The following KAZN variants were observed in gnomAD, a reference collection of about 807,000 sequenced individuals.
KAZN encodes kazrin.
A neutral mutation model predicts 87.4 loss-of-function variants in KAZN; 40 were observed. That is an observed-to-expected ratio of 0.46 (90% confidence interval 0.36 to 0.60). KAZN has a LOEUF of 0.60. Ranked by LOEUF, KAZN falls within the 20% of genes least tolerant of loss-of-function variation. The pLI is 0.00. For synonymous variants in KAZN, 466 were observed against 458.3 expected (o/e 1.02, Z -0.22); for missense variants, 898 against 1,073.9 (o/e 0.84, Z 2.29).
intron 1 of KAZN, among the ~76,000 whole-genome samples, chr1:14,737,366 C>G (rs1005608829): frequency 6.6e-6 from 1 of 152,058 alleles, no homozygotes; most frequent in African/African-American, 2.4e-5. Context: ...CAGGGATCCT[C>G]CACGGTATGC....
At chr1:14,616,170 G>C (rs991073199) in intron 1 of KAZN, among the ~76,000 whole-genome samples, 4 of 152,190 alleles carry the variant, frequency 2.6e-5, no homozygotes, top group Non-Finnish European at 5.9e-5. Flanking sequence ...GCTGGAGAGC[G>C]CAAGTGAGTC....
chr1:14,823,948 T>C (rs1232846398), intron 1 of KAZN, among the ~76,000 whole-genome samples: 5 of 152,078 alleles, frequency 3.3e-5, no homozygotes, highest in African/African-American at 4.8e-5. Flanking sequence ...ACCCCGTCTC[T>C]ACTAAAAACA....
chr1:14,019,598 T>C (rs7522487), intron 1 of KAZN, among the ~76,000 whole-genome samples: 1,831 of 152,190 alleles, frequency 0.012, 35 homozygotes, highest in African/African-American at 0.041. Context: ...CAAGAACACA[T>C]CTGTTGCACA....
chr1:15,094,293 T>C lies in KAZN; in HGVS notation c.1336T>C (p.Trp446Arg), dbSNP rs1041279043. 1.2e-6 allele frequency: 2 copies of C among 1,613,950 alleles called. No individual in the cohort carries two copies. Among genetic ancestry groups the C allele is most frequent in the Non-Finnish European group, 1.7e-6 (2 of 1,179,882 alleles). The stretch of plus-strand genomic sequence containing the variant: ...GGTGAGGACCACCCCTATGTCCCAC[T>C]GGAAGGCGGGCACCGTCCAGGCCTG... ...ELVRTTPMSH[W>R]KAGTVQAWLE... The change falls in exon 9 of 15, where the codon TGG becomes CGG. Residue 446 changes from tryptophan (W) to arginine (R), a missense_variant. Around this residue, in one of 3 missense-constraint regions of KAZN, gnomAD observed 521 missense variants for 689.4 expected, o/e 0.76. Coordinates refer to ENST00000376030, the MANE Select transcript of KAZN (RefSeq NM_201628.3). This position sits in a 1 kb window ranked among gnomAD's most constrained non-coding sequence, Gnocchi z 4.5.
chr1:14,085,900 A>G (rs1643838948), intron 1 of KAZN, among the ~76,000 whole-genome samples: 1 of 152,150 alleles, frequency 6.6e-6, no homozygotes, highest in South Asian at 2.1e-4. Flanking sequence ...CAGTTTTTCC[A>G]CATTCCCCCC....
At chr1:14,373,027 C>T (rs10754853) in intron 2 of KAZN, among the ~76,000 whole-genome samples, 72,785 of 151,890 alleles carry the variant, frequency 0.48, 20,434 homozygotes, top group Middle Eastern at 0.64. Flanking sequence ...ATTTCAGCTA[C>T]AGCCTGTAGG....
intron 1 of KAZN, among the ~76,000 whole-genome samples, chr1:14,917,508 T>G (rs1032825317): frequency 6.6e-6 from 1 of 152,200 alleles, no homozygotes; most frequent in African/African-American, 2.4e-5. Context: ...TGGGAATGTT[T>G]CACTAGCCCA....
chr1:14,494,989 GA>G (rs1178096398), intron 2 of KAZN, among the ~76,000 whole-genome samples: 1 of 152,056 alleles, frequency 6.6e-6, no homozygotes, highest in Non-Finnish European at 1.5e-5. Context: ...TCTAAGGAAG[GA>G]AAAACAAAAA....
chr1:14,609,554 A>T (rs982782793), intron 1 of KAZN, among the ~76,000 whole-genome samples: 1 of 152,238 alleles, frequency 6.6e-6, no homozygotes, highest in African/African-American at 2.4e-5. Context: ...TATCGCATTT[A>T]TTCTAAAACA....
intron 8 of KAZN, among the ~76,000 whole-genome samples, chr1:15,084,507 G>A (rs980727739): frequency 6.6e-6 from 1 of 152,224 alleles, no homozygotes; most frequent in Non-Finnish European, 1.5e-5. Flanking sequence ...AAAAACAAAA[G>A]CTGTAAGCTA....
chr1:13,970,427 A>C lies in KAZN; in HGVS notation c.91+76671A>C, dbSNP rs527984890. On this transcript the variant is annotated intron_variant, in intron 1 of 16. Transcript: ENST00000636203. ...TACAGGTGAGGAGACTTAGGATCAG[A>C]AGCGTGTATATGATCACATATCTGT... 2.0e-5 allele frequency among the ~76,000 whole-genome samples: 3 copies of C among 152,332 alleles called. No individual in the cohort carries two copies. The South Asian group carries it at 6.2e-4, about 32-fold the overall frequency.
chr1:14,370,867 T>C (rs965409480), intron 2 of KAZN, among the ~76,000 whole-genome samples: 4 of 152,084 alleles, frequency 2.6e-5, no homozygotes, highest in African/African-American at 9.7e-5. Context: ...GTATTTTTAG[T>C]AGGGATGGAG....
At chr1:14,475,010 A>G (rs1161690788) in intron 2 of KAZN, among the ~76,000 whole-genome samples, 1 of 152,038 alleles carries the variant, frequency 6.6e-6, no homozygotes, top group Non-Finnish European at 1.5e-5. Context: ...TGGATATTGG[A>G]TGGATGAATG....
chr1:15,110,729 G>C (rs1641577290), intron 13 of KAZN, among the ~76,000 whole-genome samples: 3 of 152,248 alleles, frequency 2.0e-5, no homozygotes, highest in Non-Finnish European at 4.4e-5. Context: ...AAATCCCAAA[G>C]TGGGAAGGCC....
At chr1:15,093,238 C>T (rs574249512) in intron 8 of KAZN, among the ~76,000 whole-genome samples, 7 of 152,040 alleles carry the variant, frequency 4.6e-5, no homozygotes, top group Non-Finnish European at 4.4e-5. Context: ...CTCAAATGCA[C>T]GCACCCCGTA....
At chr1:13,907,105 T>A (rs942826144) in intron 1 of KAZN, among the ~76,000 whole-genome samples, 1 of 152,182 alleles carries the variant, frequency 6.6e-6, no homozygotes, top group Non-Finnish European at 1.5e-5. Context: ...TGATGTGGTG[T>A]CTCTGTCTTC....
At chr1:15,103,564 A>C (rs531407489) in intron 12 of KAZN, 104 bp downstream of exon 12, 1 of 783,580 alleles carries the variant, frequency 1.3e-6, no homozygotes, top group African/African-American at 1.7e-5. Flanking sequence ...CAATATGCAG[A>C]TCTCATGCAA....
chr1:14,700,989 G>A (rs536334542), intron 1 of KAZN, among the ~76,000 whole-genome samples: 3 of 152,318 alleles, frequency 2.0e-5, no homozygotes, highest in Admixed American at 2.0e-4. Flanking sequence ...TCAAAGGGAA[G>A]CCTTGCTAAA....
At chr1:14,017,708 A>G (rs966596162) in intron 1 of KAZN, among the ~76,000 whole-genome samples, 1 of 152,144 alleles carries the variant, frequency 6.6e-6, no homozygotes, top group African/African-American at 2.4e-5. Flanking sequence ...GTTTTCTCCT[A>G]ATTTGAAAAA....
Sources: allele counts gnomAD v4.1 joint callset (sites outside exome capture counted in the v4.1 genomes callset), GRCh38; gene constraint gnomAD v4.1.1; regional missense constraint gnomAD v4.1.1; non-coding constraint Gnocchi (gnomAD v3.1); transcripts MANE v1.5; gene names NCBI Gene and HGNC (gene_info 2026-07-23, HGNC 2026-07-21).